The following CREBBP variants were observed in gnomAD, a reference collection of about 807,000 sequenced individuals.
CREBBP encodes CREB binding lysine acetyltransferase, also known as CREB-binding protein.
A neutral mutation model predicts 265.0 loss-of-function variants in CREBBP; 19 were observed. The observed-to-expected ratio is 0.07, with a 90% CI of 0.05 to 0.11. The LOEUF is 0.11. CREBBP is among the 10% of genes least tolerant of loss of function. The pLI, the probability that CREBBP is intolerant of heterozygous loss-of-function variation, is 1.00. For missense variants in CREBBP, 2,525 were observed against 3,219.0 expected, an observed-to-expected ratio of 0.78 and a Z score of 5.22; for synonymous variants, 1,457 against 1,223.7, an observed-to-expected ratio of 1.19 and a Z score of -3.98.
At chr16:3,847,354 T>C (rs909587517) in intron 2 of CREBBP, among the ~76,000 whole-genome samples, 9 of 152,322 alleles carry the variant, frequency 5.9e-5, no homozygotes, top group African/African-American at 2.2e-4. Flanking sequence ...AAAAGCGCCT[T>C]TTCCCTGTGC....
intron 16 of CREBBP, among the ~76,000 whole-genome samples, chr16:3,763,374 T>C (rs2052768794): frequency 6.6e-6 from 1 of 152,188 alleles, no homozygotes; most frequent in African/African-American, 2.4e-5. Context: ...TTGCCCAGGC[T>C]GGTCTTGAAC....
At chr16:3,804,426 T>C (rs1380411460) in intron 3 of CREBBP, among the ~76,000 whole-genome samples, 1 of 152,194 alleles carries the variant, frequency 6.6e-6, no homozygotes, top group Non-Finnish European at 1.5e-5. Context: ...GTCTTTTTGG[T>C]GACGTGAACC....
intron 26 of CREBBP, among the ~76,000 whole-genome samples, chr16:3,737,239 T>C (rs955074129): frequency 2.9e-5 from 4 of 138,364 alleles, no homozygotes; most frequent in African/African-American, 1.3e-4. Flanking sequence ...AATGCCCCTA[T>C]CCTTTTCAAG....
Position 3,851,779 on chromosome 16 carries a change from G to A in CREBBP, c.86-770C>T, listed in dbSNP as rs1156501428. 5.2e-4 allele frequency among the ~76,000 whole-genome samples: 78 copies of A among 149,874 alleles called. No homozygotes were observed. The Middle Eastern group carries it at 0.01, about 20-fold the overall frequency. On this transcript the variant is annotated intron_variant, in intron 1 of 30. Transcript: ENST00000262367. The stretch of plus-strand genomic sequence containing the variant: ...TGAGGCAGGAGAATGGCGTGAACCC[G>A]GGAAGCGGAGCTTGCAGTGAGCCGA...
intron 1 of CREBBP, among the ~76,000 whole-genome samples, chr16:3,861,877 A>G (rs1046874359): frequency 3.3e-5 from 5 of 152,052 alleles, no homozygotes; most frequent in East Asian, 1.9e-4. Context: ...GAACAGAACA[A>G]TGAGGTTGTA....
intron 1 of CREBBP, among the ~76,000 whole-genome samples, chr16:3,864,078 C>T (rs1478632900): frequency 6.6e-6 from 1 of 152,168 alleles, no homozygotes; most frequent in East Asian, 1.9e-4. Flanking sequence ...TAGGAGCTAG[C>T]CTTTGCAGAA....
intron 16 of CREBBP, 116 bp downstream of exon 16, chr16:3,767,603 GA>G: frequency 7.1e-7 from 1 of 1,400,968 alleles, no homozygotes; most frequent in Non-Finnish European, 1.0e-6. Flanking sequence ...TGGCAGGCAA[GA>G]AAGGTAAAAG....
In CREBBP at chr16:3,872,262, T is replaced by A. The variant is rs749893205; in HGVS notation, c.85+7570A>T. Reference sequence around the variant, plus strand: ...AAAACTTTAAAAAGAGAGGGGCCACTTTTGTTTACTTCCATGCCTTTCACA... The same window carrying A: ...AAAACTTTAAAAAGAGAGGGGCCACATTTGTTTACTTCCATGCCTTTCACA... On this transcript the variant is annotated intron_variant, in intron 1 of 30. Transcript: ENST00000262367. Among the ~76,000 whole-genome samples the A allele has an allele frequency of 3.5e-3, 540 of 152,318 alleles. 12 individuals carry two copies. The highest frequency in any genetic ancestry group is 1.2e-3 in the Non-Finnish European group (83 of 68,040).
chr16:3,777,133 A>G (rs958239709), intron 11 of CREBBP, among the ~76,000 whole-genome samples: 2 of 152,150 alleles, frequency 1.3e-5, no homozygotes, highest in African/African-American at 4.8e-5. Context: ...ACGGAGATCA[A>G]GACCATCCTG....
At chr16:3,737,450 T>C (rs1188089504) in intron 26 of CREBBP, among the ~76,000 whole-genome samples, 2 of 149,666 alleles carry the variant, frequency 1.3e-5, no homozygotes, top group Admixed American at 6.6e-5. Flanking sequence ...TTTTTTTTCT[T>C]TTTTCTTTTT....
chr16:3,738,468 A>C, intron 26 of CREBBP, 91 bp downstream of exon 26: 2 of 828,422 alleles, frequency 2.4e-6, no homozygotes, highest in Non-Finnish European at 4.0e-6. Flanking sequence ...AAAAACGCAT[A>C]AAACTTAAAA....
At chr16:3,777,813 T>C (rs2053180240) in intron 10 of CREBBP, 156 bp from the exon 11 acceptor site, 2 of 1,078,208 alleles carry the variant, frequency 1.9e-6, no homozygotes, top group Non-Finnish European at 2.8e-6. Flanking sequence ...CAGCGCACCC[T>C]GTAAAGGGCC....
At chr16:3,872,845 G>A (rs1003594705) in intron 1 of CREBBP, among the ~76,000 whole-genome samples, 2 of 152,254 alleles carry the variant, frequency 1.3e-5, no homozygotes, top group Non-Finnish European at 2.9e-5. Flanking sequence ...CTGGCTCTGT[G>A]CTGGCTCAGC....
intron 25 of CREBBP, among the ~76,000 whole-genome samples, chr16:3,738,978 A>G (rs1399185316): frequency 6.6e-6 from 1 of 152,176 alleles, no homozygotes; most frequent in Non-Finnish European, 1.5e-5. Context: ...CCTGTGGTCC[A>G]GTTATCCTCC....
At chr16:3,864,042 G>A (rs1173359736) in intron 1 of CREBBP, among the ~76,000 whole-genome samples, 1 of 152,198 alleles carries the variant, frequency 6.6e-6, no homozygotes, top group Non-Finnish European at 1.5e-5. Context: ...AACAGTCCTG[G>A]AGGAAGAAGA....
intron 2 of CREBBP, among the ~76,000 whole-genome samples, chr16:3,841,473 T>TA (rs2054565692): frequency 1.3e-5 from 2 of 151,698 alleles, no homozygotes; most frequent in African/African-American, 4.9e-5. Context: ...AATCAATTTT[T>TA]TAAAAAAAAT....
intron 1 of CREBBP, among the ~76,000 whole-genome samples, chr16:3,854,749 A>G (rs896002261): frequency 4.6e-5 from 7 of 152,216 alleles, no homozygotes; most frequent in African/African-American, 1.4e-4. Context: ...TAAACACAGC[A>G]ACTATGAAGA....
chr16:3,823,759 C>A (rs2054184934), intron 2 of CREBBP, among the ~76,000 whole-genome samples: 1 of 152,106 alleles, frequency 6.6e-6, no homozygotes, highest in Admixed American at 6.6e-5. Context: ...GAGACTGGAG[C>A]ATGAGGGATG....
chr16:3,818,944 C>G (rs1478155450), intron 2 of CREBBP, among the ~76,000 whole-genome samples: 1 of 152,260 alleles, frequency 6.6e-6, no homozygotes, highest in Non-Finnish European at 1.5e-5. Flanking sequence ...ACGCTCCCCA[C>G]AGCCCCCACT....
Sources: gnomAD v4.1 joint callset for allele counts (sites outside exome capture counted in the v4.1 genomes callset) on GRCh38, gnomAD v4.1.1 for gene constraint, MANE v1.5 for transcripts, NCBI Gene and HGNC (gene_info 2026-07-23, HGNC 2026-07-21) for gene names.